Variants in DCBLD1 observed in about 807,000 individuals in gnomAD.
DCBLD1 encodes the protein discoidin, CUB and LCCL domain-containing protein 1.
In DCBLD1, 57 loss-of-function variants were observed where a neutral mutation model predicts 71.5. That is an observed-to-expected ratio of 0.80 (90% confidence interval 0.64 to 0.99). DCBLD1 has a LOEUF of 0.99. DCBLD1 is among the 50% of genes least tolerant of loss of function. The pLI, the probability that DCBLD1 is intolerant of heterozygous loss-of-function variation, is 0.00. For missense variants in DCBLD1, 891 were observed against 923.5 expected, an observed-to-expected ratio of 0.96 and a Z score of 0.46; for synonymous variants, 380 against 363.8, an observed-to-expected ratio of 1.04 and a Z score of -0.51.
chr6:117,503,199 CTA>C (rs1417441405), intron 1 of DCBLD1, among the ~76,000 whole-genome samples: 1 of 152,140 alleles, frequency 6.6e-6, no homozygotes, highest in African/African-American at 2.4e-5. Flanking sequence ...CATCCCAAGT[CTA>C]TGAGGAACTT....
At chr6:117,538,980 T>A in intron 8 of DCBLD1, 145 bp downstream of exon 8, 6 of 926,530 alleles carry the variant, frequency 6.5e-6, no homozygotes, top group Non-Finnish European at 9.6e-6. Flanking sequence ...AACAAATCTT[T>A]ACATTCTTTC....
intron 2 of DCBLD1, among the ~76,000 whole-genome samples, chr6:117,514,181 T>G (rs1342081713): frequency 6.6e-6 from 1 of 152,218 alleles, no homozygotes; most frequent in African/African-American, 2.4e-5. Context: ...TGTCAGACCT[T>G]GAGACAGGCA....
intron 6 of DCBLD1, 34 bp from the exon 7 acceptor site, chr6:117,537,151 A>G: frequency 6.2e-7 from 1 of 1,613,048 alleles, no homozygotes; most frequent in South Asian, 1.1e-5. Context: ...TAGGTGAGCA[A>G]CTTACCTTCT....
chr6:117,537,074 A>T (rs1778905517), intron 6 of DCBLD1, 111 bp from the exon 7 acceptor site: 1 of 1,008,890 alleles, frequency 9.9e-7, no homozygotes, highest in Admixed American at 1.8e-5. Context: ...TGTGAGGATC[A>T]TGTAAGGAAG....
chr6:117,545,345 C>T, intron 13 of DCBLD1, 133 bp from the exon 14 acceptor site: 1 of 1,216,250 alleles, frequency 8.2e-7, no homozygotes, highest in Non-Finnish European at 1.2e-6. Context: ...TTAGCACACA[C>T]ACCTGAGGAG....
At chr6:117,541,159 A>G (rs1427727310) in intron 11 of DCBLD1, 134 bp downstream of exon 11, 2 of 695,746 alleles carry the variant, frequency 2.9e-6, no homozygotes, top group East Asian at 2.7e-5. Flanking sequence ...ATTGGCACAT[A>G]TGTAAAATGA....
chr6:117,513,800 C>T (rs964608946), intron 2 of DCBLD1, among the ~76,000 whole-genome samples: 2 of 152,198 alleles, frequency 1.3e-5, no homozygotes, highest in African/African-American at 4.8e-5. Flanking sequence ...AAGAATATAA[C>T]CACAATCAAA....
At chr6:117,563,124 CCT>C in intron 14 of DCBLD1, 5 of 768,984 alleles carry the variant, frequency 6.5e-6, no homozygotes, top group Non-Finnish European at 1.1e-5. Flanking sequence ...CACATGAAGC[CCT>C]GAGGTACCCG....
chr6:117,493,958 GTA>G (rs924061181), intron 1 of DCBLD1, among the ~76,000 whole-genome samples: 1 of 152,192 alleles, frequency 6.6e-6, no homozygotes. Context: ...GTGTGTATCT[GTA>G]TATATATGTG....
At chr6:117,536,201 T>C (rs1778876687) in intron 6 of DCBLD1, among the ~76,000 whole-genome samples, 1 of 152,232 alleles carries the variant, frequency 6.6e-6, no homozygotes, top group Non-Finnish European at 1.5e-5. Context: ...AATTCAGAAT[T>C]AAACATTTAA....
intron 14 of DCBLD1, chr6:117,562,075 G>T: frequency 4.8e-6 from 1 of 206,234 alleles, no homozygotes; most frequent in Non-Finnish European, 9.9e-6. Flanking sequence ...TTGTGACTTT[G>T]CCTAGCAGGT....
chr6:117,513,121 C>G (rs1300889302), intron 2 of DCBLD1, among the ~76,000 whole-genome samples: 1 of 152,156 alleles, frequency 6.6e-6, no homozygotes, highest in Non-Finnish European at 1.5e-5. Flanking sequence ...TAGAGAAGTA[C>G]TATACATTGC....
chr6:117,482,955 CGGGGCGGGCCGGGCCGGGCCG>C, intron 1 of DCBLD1, 62 bp downstream of exon 1: 7 of 616,664 alleles, frequency 1.1e-5, no homozygotes, highest in Non-Finnish European at 1.2e-5. Context: ...CTGAGGGCTG[CGGGGCGGGCCGGGCCGGGCCG>C]AGGGCTACGG....
intron 2 of DCBLD1, among the ~76,000 whole-genome samples, chr6:117,515,106 AC>A (rs1199203587): frequency 6.9e-6 from 1 of 144,394 alleles, no homozygotes; most frequent in African/African-American, 2.6e-5. Context: ...TGCAACCTCC[AC>A]CCCCCAGGTT....
intron 1 of DCBLD1, among the ~76,000 whole-genome samples, chr6:117,492,599 TTAAGA>T (rs1777330699): frequency 6.6e-6 from 1 of 152,194 alleles, no homozygotes; most frequent in Non-Finnish European, 1.5e-5. Context: ...CATAGAAATA[TTAAGA>T]TTTTTTAAAG....
intron 14 of DCBLD1, among the ~76,000 whole-genome samples, chr6:117,567,829 A>G (rs1424038028): frequency 3.3e-5 from 5 of 152,064 alleles, no homozygotes; most frequent in African/African-American, 4.8e-5. Context: ...CTTAATCTTT[A>G]TATTATGCTA....
chr6:117,559,063 C>T (rs968152747), intron 14 of DCBLD1, among the ~76,000 whole-genome samples: 5 of 152,152 alleles, frequency 3.3e-5, no homozygotes, highest in Non-Finnish European at 5.9e-5. Flanking sequence ...TTTGTGCCAA[C>T]GACTAGATAA....
chr6:117,533,818 C>T (rs1038269518), intron 6 of DCBLD1, among the ~76,000 whole-genome samples: 8 of 152,054 alleles, frequency 5.3e-5, no homozygotes, highest in African/African-American at 9.7e-5. Context: ...ACCATGCTCA[C>T]GGCCAGGAGG....
At chr6:117,526,110 C>T (rs1016869344) in intron 5 of DCBLD1, among the ~76,000 whole-genome samples, 6 of 152,226 alleles carry the variant, frequency 3.9e-5, no homozygotes, top group African/African-American at 7.2e-5. Flanking sequence ...AAGTTATTAA[C>T]GTGTATTTTT....
Sources: gnomAD v4.1 joint callset for allele counts (sites outside exome capture counted in the v4.1 genomes callset) on GRCh38, gnomAD v4.1.1 for gene constraint, MANE v1.5 for transcripts, NCBI Gene and HGNC (gene_info 2026-07-23, HGNC 2026-07-21) for gene names.